Variants in ARHGAP8 observed in about 807,000 individuals in gnomAD.
The protein encoded by ARHGAP8 is Rho GTPase activating protein 8.
ARHGAP8 carries 62 observed loss-of-function variants against 46.1 expected under a neutral mutation model. That is an observed-to-expected ratio of 1.34 (90% CI 1.10 to 1.66). The LOEUF (loss-of-function observed/expected upper bound fraction) is 1.66. Ranked by LOEUF, ARHGAP8 falls within the 40% of genes most tolerant of loss-of-function variation. ARHGAP8 has a pLI of 0.00. For missense variants in ARHGAP8, 923 were observed against 568.4 expected, an observed-to-expected ratio of 1.62 and a Z score of -6.34; for synonymous variants, 375 against 243.1, an observed-to-expected ratio of 1.54 and a Z score of -5.05.
chr22:44,830,785 C>T (rs1332090806), intron 7 of ARHGAP8, among the ~76,000 whole-genome samples: 1 of 152,122 alleles, frequency 6.6e-6, no homozygotes, highest in East Asian at 1.9e-4. Flanking sequence ...GTGATCCACC[C>T]ATCTCGGCCT....
chr22:44,835,436 G>A (rs543767918), intron 7 of ARHGAP8, among the ~76,000 whole-genome samples: 1 of 152,114 alleles, frequency 6.6e-6, no homozygotes, highest in African/African-American at 2.4e-5. Context: ...TGGCCAACAT[G>A]GTGAAACCCC....
chr22:44,825,075 C>G (rs1930412134), intron 6 of ARHGAP8, among the ~76,000 whole-genome samples: 2 of 151,402 alleles, frequency 1.3e-5, no homozygotes, highest in South Asian at 4.2e-4. Context: ...CAAGCCCTTT[C>G]CAGGCACTGG....
In ARHGAP8 at chr22:44,827,711, T is replaced by A. The variant is rs1282211120; in HGVS notation, c.596+2118T>A. On this transcript the variant is annotated intron_variant, in intron 7 of 11. Transcript: ENST00000356099. ...GACCACATGAAAATAAAGTAGGTGG[T>A]AGTGAGTGGTGGGTAGTTGCGAGTA... Among the ~76,000 whole-genome samples the A allele has an allele frequency of 2.0e-5, 3 of 152,142 alleles. No homozygotes were observed. The East Asian group carries it at 5.8e-4, about 29-fold the overall frequency.
At chr22:44,816,884 CTTT>C (rs981732386) in intron 5 of ARHGAP8, among the ~76,000 whole-genome samples, 6 of 115,098 alleles carry the variant, frequency 5.2e-5, no homozygotes, top group Non-Finnish European at 7.1e-5. Context: ...TTCTTTCTTT[CTTT>C]TTTTTTTTTT....
chr22:44,753,345 C>A (rs1049262234), intron 1 of ARHGAP8, among the ~76,000 whole-genome samples: 1 of 152,002 alleles, frequency 6.6e-6, no homozygotes, highest in East Asian at 1.9e-4. Flanking sequence ...CCTCAGCCTC[C>A]CGAGTAGCTG....
intron 3 of ARHGAP8, among the ~76,000 whole-genome samples, chr22:44,803,372 C>T (rs534639203): frequency 3.5e-4 from 53 of 152,286 alleles, no homozygotes; most frequent in Admixed American, 1.2e-3. Context: ...CCCAAACTAA[C>T]TTGGGCAAGG....
At chr22:44,857,530 C>T (rs972363292) in intron 10 of ARHGAP8, among the ~76,000 whole-genome samples, 6 of 152,182 alleles carry the variant, frequency 3.9e-5, no homozygotes, top group Admixed American at 2.6e-4. Flanking sequence ...AGATCCAGTC[C>T]ACTGAGTGTG....
At chr22:44,838,524 C>T (rs1931441222) in intron 7 of ARHGAP8, among the ~76,000 whole-genome samples, 1 of 151,956 alleles carries the variant, frequency 6.6e-6, no homozygotes, top group South Asian at 2.1e-4. Context: ...TCCACCCACC[C>T]CGGCCTCCCA....
chr22:44,794,506 C>T (rs182758032), intron 2 of ARHGAP8, among the ~76,000 whole-genome samples: 7 of 152,104 alleles, frequency 4.6e-5, no homozygotes, highest in Admixed American at 2.6e-4. Flanking sequence ...GTCAGGAGTT[C>T]GAGACCAGCC....
Position 44,797,754 on chromosome 22 carries a change from G to A in ARHGAP8, c.80-4323G>A, listed in dbSNP as rs941675602. 3.3e-5 allele frequency among the ~76,000 whole-genome samples: 5 copies of A among 152,194 alleles called. No homozygotes were observed. The South Asian group carries it at 8.3e-4, about 25-fold the overall frequency. On this transcript the variant is annotated intron_variant, in intron 2 of 11. Transcript: ENST00000356099. ...ATCAAAGAGTTCACACACTGTGCGCGCGTGTGTGTGCGCTCATGCCAGTGT... is the reference window on the plus strand; with the variant it reads ...ATCAAAGAGTTCACACACTGTGCGCACGTGTGTGTGCGCTCATGCCAGTGT...
At chr22:44,757,133 C>T (rs1198770437) in intron 1 of ARHGAP8, among the ~76,000 whole-genome samples, 3 of 152,038 alleles carry the variant, frequency 2.0e-5, no homozygotes, top group African/African-American at 7.2e-5. Context: ...CCAGGCTGGT[C>T]TTGAGCTCCT....
chr22:44,854,046 A>C (rs1376677665), intron 10 of ARHGAP8, among the ~76,000 whole-genome samples: 1 of 145,340 alleles, frequency 6.9e-6, no homozygotes, highest in African/African-American at 2.6e-5. Flanking sequence ...AAAAAAAAAA[A>C]AAAAAAAAAA....
chr22:44,757,279 AT>A (rs372905719), intron 1 of ARHGAP8, among the ~76,000 whole-genome samples: 10,105 of 143,526 alleles, frequency 0.07, 556 homozygotes, highest in African/African-American at 0.16. Flanking sequence ...CAAATATTTA[AT>A]TTTTTTTTTT....
intron 1 of ARHGAP8, among the ~76,000 whole-genome samples, chr22:44,753,294 T>G (rs1027908065): frequency 1.3e-5 from 2 of 151,640 alleles, no homozygotes; most frequent in African/African-American, 4.9e-5. Context: ...GCATCTCTGC[T>G]CACTGCAACC....
chr22:44,835,538 T>A (rs1931226510), intron 7 of ARHGAP8, among the ~76,000 whole-genome samples: 1 of 152,102 alleles, frequency 6.6e-6, no homozygotes. Context: ...GGAGAATCAC[T>A]TGAACCGGGG....
At position 44,862,517 on chromosome 22, in the gene ARHGAP8, G is replaced by A; in HGVS notation, c.1224G>A (p.Val408=). ...GGGCAGCCCCTTTGCAGGAGGCTGT[G>A]CCACGGACACAAGCCACGGGCCTCA... ...GSRAAPLQEA[V]PRTQATGLTK... The change falls in exon 12 of 12, where the codon GTG becomes GTA. Residue 408 remains valine (V), a synonymous_variant. Transcript: ENST00000356099. 9 of 1,612,380 alleles carry A rather than the reference G, an allele frequency of 5.6e-6. No individual in the cohort carries two copies. Among genetic ancestry groups the A allele is most frequent in the Non-Finnish European group, 7.6e-6 (9 of 1,178,744 alleles).
At chr22:44,804,313 A>C (rs555612572) in intron 3 of ARHGAP8, among the ~76,000 whole-genome samples, 8 of 151,890 alleles carry the variant, frequency 5.3e-5, no homozygotes, top group Non-Finnish European at 1.2e-4. Flanking sequence ...CCGGCCCAGG[A>C]GAGCTGCTGC....
At chr22:44,856,254 CTTTTTTTTTTTTT>C (rs557242169) in intron 10 of ARHGAP8, among the ~76,000 whole-genome samples, 72 of 86,874 alleles carry the variant, frequency 8.3e-4, no homozygotes, top group South Asian at 5.7e-3. Context: ...TATAAATTCC[CTTTTTTTTTTTTT>C]TTTTTTTTTT....
At chr22:44,848,112 G>C (rs943790951) in intron 9 of ARHGAP8, 62 bp downstream of exon 9, 15 of 1,588,010 alleles carry the variant, frequency 9.4e-6, no homozygotes, top group Non-Finnish European at 1.2e-5. Context: ...GCGCTCCGGG[G>C]CCTCAGAGCG....
Sources: gnomAD v4.1 joint callset for allele counts (sites outside exome capture counted in the v4.1 genomes callset) on GRCh38, gnomAD v4.1.1 for gene constraint, MANE v1.5 for transcripts, NCBI Gene and HGNC (gene_info 2026-07-23, HGNC 2026-07-21) for gene names.